Variants in CTNNA3 observed in about 807,000 individuals in gnomAD.
CTNNA3 encodes catenin alpha-3.
CTNNA3 carries 76 observed loss-of-function variants against 95.7 expected under a neutral mutation model. That is an observed-to-expected ratio of 0.79 (90% CI 0.66 to 0.96). CTNNA3 has a LOEUF of 0.96. CTNNA3 is among the 40% of genes least tolerant of loss of function. The pLI is 0.00. For synonymous variants in CTNNA3, 431 were observed against 374.4 expected (o/e 1.15, Z -1.74); for missense variants, 1,191 against 1,089.8 (o/e 1.09, Z -1.31).
At chr10:66,624,626 G>A (rs1394290198) in intron 9 of CTNNA3, among the ~76,000 whole-genome samples, 1 of 152,078 alleles carries the variant, frequency 6.6e-6, no homozygotes, top group African/African-American at 2.4e-5. Context: ...CTACTGAAAG[G>A]CATTCATTAA....
chr10:66,316,313 A>G (rs988838361), intron 12 of CTNNA3, among the ~76,000 whole-genome samples: 2 of 152,146 alleles, frequency 1.3e-5, no homozygotes, highest in Non-Finnish European at 2.9e-5. Flanking sequence ...AATCATGAAC[A>G]GGGTGGGCTC....
At chr10:66,584,345 A>T (rs551003179) in intron 10 of CTNNA3, among the ~76,000 whole-genome samples, 1 of 151,940 alleles carries the variant, frequency 6.6e-6, no homozygotes, top group South Asian at 2.1e-4. Context: ...GAATTGCCTT[A>T]TGAATCTGTG....
chr10:67,594,564 A>G (rs1036042181), intron 3 of CTNNA3, among the ~76,000 whole-genome samples: 6 of 151,706 alleles, frequency 4.0e-5, no homozygotes, highest in Admixed American at 6.6e-5. Context: ...ATAGTCTCTG[A>G]GGGTTTTTTA....
At chr10:66,745,997 G>T (rs1303998135) in intron 9 of CTNNA3, among the ~76,000 whole-genome samples, 1 of 151,918 alleles carries the variant, frequency 6.6e-6, no homozygotes, top group Admixed American at 6.6e-5. Context: ...TCATATTAAT[G>T]GTATTTACAA....
chr10:66,520,898 A>C, intron 10 of CTNNA3, 125 bp from the exon 11 acceptor site: 1 of 404,022 alleles, frequency 2.5e-6, no homozygotes, highest in South Asian at 6.7e-5. Context: ...CTGCACTTAT[A>C]ATTCCTAAAT....
intron 7 of CTNNA3, among the ~76,000 whole-genome samples, chr10:67,133,865 A>G (rs1860160616): frequency 6.6e-6 from 1 of 152,100 alleles, no homozygotes; most frequent in African/African-American, 2.4e-5. Flanking sequence ...TTCTTTATTT[A>G]GAGAGACAAG....
At chr10:67,131,229 C>A (rs1204610099) in intron 7 of CTNNA3, among the ~76,000 whole-genome samples, 1 of 151,902 alleles carries the variant, frequency 6.6e-6, no homozygotes, top group African/African-American at 2.4e-5. Context: ...GGTTAGGTAC[C>A]TTTCTTTGGT....
chr10:66,648,863 A>G (rs927523785), intron 9 of CTNNA3, among the ~76,000 whole-genome samples: 1 of 152,200 alleles, frequency 6.6e-6, no homozygotes, highest in Non-Finnish European at 1.5e-5. Context: ...CAGGAGAAAA[A>G]TCATTACAGA....
At chr10:67,553,258 A>G (rs1376938055) in intron 3 of CTNNA3, among the ~76,000 whole-genome samples, 2 of 152,090 alleles carry the variant, frequency 1.3e-5, no homozygotes, top group Non-Finnish European at 2.9e-5. Context: ...TTGTAACTAT[A>G]CCCCTTAAAT....
At chr10:67,756,285 C>G (rs1186360734) in intron 1 of CTNNA3, among the ~76,000 whole-genome samples, 1 of 152,118 alleles carries the variant, frequency 6.6e-6, no homozygotes, top group Non-Finnish European at 1.5e-5. Flanking sequence ...CTATAGTCTA[C>G]AGTAGTCTAT....
intron 3 of CTNNA3, among the ~76,000 whole-genome samples, chr10:67,553,268 T>C (rs1410341680): frequency 6.6e-6 from 1 of 152,122 alleles, no homozygotes; most frequent in Non-Finnish European, 1.5e-5. Context: ...ACCCCTTAAA[T>C]CTATATTTAA....
chr10:66,204,672 T>A (rs2087646952), intron 13 of CTNNA3, among the ~76,000 whole-genome samples: 1 of 152,182 alleles, frequency 6.6e-6, no homozygotes, highest in Non-Finnish European at 1.5e-5. Context: ...TGTACTTACA[T>A]CCATTCATAC....
At chr10:66,709,021 T>C (rs1200381496) in intron 9 of CTNNA3, among the ~76,000 whole-genome samples, 3 of 152,140 alleles carry the variant, frequency 2.0e-5, no homozygotes, top group Non-Finnish European at 4.4e-5. Flanking sequence ...AAGCTTTTAG[T>C]GTGAAAACGT....
Position 65,922,603 on chromosome 10 carries a change from C to T in CTNNA3, c.2401-1986G>A, listed in dbSNP as rs139736551. On this transcript the variant is annotated intron_variant, in intron 17 of 17. Transcript: ENST00000433211. ...AAGTACATAACATTTATCTTTAAAT[C>T]TTTTAAATGTGTCAGTATAAATACA... Among the ~76,000 whole-genome samples, 508 of 152,228 alleles carry T rather than the reference C, an allele frequency of 3.3e-3. 1 individual carries two copies. The highest frequency in any genetic ancestry group is 5.7e-3 in the Non-Finnish European group (390 of 68,000).
chr10:67,681,770 A>G (rs1159753194), intron 1 of CTNNA3, among the ~76,000 whole-genome samples: 4 of 152,218 alleles, frequency 2.6e-5, no homozygotes, highest in Admixed American at 2.0e-4. Context: ...AAATAAAACA[A>G]AAGTCATAAA....
intron 1 of CTNNA3, among the ~76,000 whole-genome samples, chr10:67,737,871 G>C (rs1321405862): frequency 1.3e-5 from 2 of 152,196 alleles, no homozygotes; most frequent in Non-Finnish European, 2.9e-5. Context: ...TCTAGAACTA[G>C]AAATACCATT....
intron 15 of CTNNA3, among the ~76,000 whole-genome samples, chr10:66,030,503 G>A (rs534096992): frequency 2.0e-5 from 3 of 152,156 alleles, no homozygotes; most frequent in South Asian, 4.2e-4. Flanking sequence ...CTGTCTATCC[G>A]TATACAGAAG....
intron 6 of CTNNA3, among the ~76,000 whole-genome samples, chr10:67,217,591 GCA>G (rs777178587): frequency 6.6e-6 from 1 of 152,100 alleles, no homozygotes; most frequent in Non-Finnish European, 1.5e-5. Context: ...CACATAACAC[GCA>G]CACTTTCTCC....
chr10:66,531,114 A>T (rs1223834836), intron 10 of CTNNA3, among the ~76,000 whole-genome samples: 5 of 152,166 alleles, frequency 3.3e-5, no homozygotes, highest in Non-Finnish European at 7.4e-5. Flanking sequence ...TTAAGATTGG[A>T]CAACCTTCCA....
Sources: allele counts gnomAD v4.1 joint callset (sites outside exome capture counted in the v4.1 genomes callset), GRCh38; gene constraint gnomAD v4.1.1; transcripts MANE v1.5; gene names NCBI Gene and HGNC (gene_info 2026-07-23, HGNC 2026-07-21).